MYT1L: variants seen among roughly 807,000 people sequenced by gnomAD.
The protein encoded by MYT1L is myelin transcription factor 1-like protein.
A neutral mutation model predicts 126.7 loss-of-function variants in MYT1L; 12 were observed. The ratio of observed to expected loss-of-function variants is 0.09; its 90% confidence interval spans 0.06 to 0.15. MYT1L has a LOEUF of 0.15. Among genes scored for constraint, MYT1L ranks in the 10% least tolerant of loss-of-function variants. MYT1L has a pLI of 1.00. For synonymous variants in MYT1L, 541 were observed against 604.2 expected, an observed-to-expected ratio of 0.90 and a Z score of 1.53; for missense variants, 979 against 1,585.2, an observed-to-expected ratio of 0.62 and a Z score of 6.49.
rs184986933 is a variant in MYT1L at position 1,805,589 on chromosome 2, T to C, written c.3172+3487A>G. 1.8e-3 allele frequency among the ~76,000 whole-genome samples: 276 copies of C among 152,082 alleles called. 1 individual carries two copies. The highest frequency in any genetic ancestry group is 6.3e-3 in the African/African-American group (262 of 41,490). On this transcript the variant is annotated intron_variant, in intron 22 of 24. Transcript: ENST00000647738. ...GGGCAACATAGTCAGACCTCATCTA[T>C]AGTAAAATATTTAAGGCCAGGCATA...
At chr2:2,094,162 T>C (rs1397291874) in intron 3 of MYT1L, among the ~76,000 whole-genome samples, 1 of 152,230 alleles carries the variant, frequency 6.6e-6, no homozygotes, top group African/African-American at 2.4e-5. Context: ...TAGGATTGAC[T>C]TGGCAATGCT....
intron 2 of MYT1L, among the ~76,000 whole-genome samples, chr2:2,206,140 G>A (rs55971301): frequency 4.0e-5 from 6 of 151,812 alleles, no homozygotes; most frequent in East Asian, 1.9e-4. Flanking sequence ...ACACCACCAC[G>A]CCCAGCTAAT....
chr2:1,880,232 C>T (rs1410203795), intron 18 of MYT1L, among the ~76,000 whole-genome samples: 2 of 152,224 alleles, frequency 1.3e-5, no homozygotes, highest in Non-Finnish European at 2.9e-5. Context: ...AGAAGCCACC[C>T]TCTCTTCAGC....
intron 3 of MYT1L, among the ~76,000 whole-genome samples, chr2:2,158,595 C>T (rs557068967): frequency 6.6e-6 from 1 of 151,180 alleles, no homozygotes; most frequent in East Asian, 1.9e-4. Context: ...CAGTTCTGCT[C>T]CTCTCTCTCC....
chr2:2,056,755 C>T (rs1256974944), intron 3 of MYT1L, among the ~76,000 whole-genome samples: 1 of 152,204 alleles, frequency 6.6e-6, no homozygotes, highest in South Asian at 2.1e-4. Flanking sequence ...GGCAGCTTAG[C>T]TGCAAAACAA....
chr2:2,309,390 A>G (rs548068553), intron 1 of MYT1L, among the ~76,000 whole-genome samples: 3 of 151,562 alleles, frequency 2.0e-5, no homozygotes, highest in South Asian at 4.2e-4. Context: ...TACTCTGTCT[A>G]TCCTCCACCT....
At chr2:1,907,219 C>T (rs1558352614) in intron 13 of MYT1L, among the ~76,000 whole-genome samples, 1 of 151,450 alleles carries the variant, frequency 6.6e-6, no homozygotes, top group Non-Finnish European at 1.5e-5. Flanking sequence ...GAGAACACTC[C>T]AGGCTATGGA....
intron 2 of MYT1L, among the ~76,000 whole-genome samples, chr2:2,279,249 A>G (rs577061014): frequency 6.6e-6 from 1 of 152,342 alleles, no homozygotes; most frequent in South Asian, 2.1e-4. Context: ...AAGATTGTAT[A>G]GAGGCTAATA....
Position 2,140,472 on chromosome 2 carries a change from T to C in MYT1L, c.-304+32400A>G, listed in dbSNP as rs376022901. Among the ~76,000 whole-genome samples the C allele has an allele frequency of 3.3e-3, 486 of 149,380 alleles. 12 individuals are homozygous for C. The highest frequency in any genetic ancestry group is 8.4e-3 in the East Asian group (43 of 5,130). ...TTTTTTGAGACAGAGTATCACTCTG[T>C]TGCCCAGGCTGGAGTGCAGTGGCAC... On this transcript the variant is annotated intron_variant, in intron 3 of 24. Coordinates refer to ENST00000647738, the MANE Select transcript of MYT1L (RefSeq NM_001303052.2).
intron 2 of MYT1L, among the ~76,000 whole-genome samples, chr2:2,177,653 A>G (rs975404058): frequency 5.3e-5 from 8 of 152,216 alleles, no homozygotes; most frequent in Non-Finnish European, 1.0e-4. Flanking sequence ...CACATGGTAC[A>G]TGGTGGCAGG....
rs577547780 is a variant in MYT1L at position 2,049,794 on chromosome 2, T to C, written c.-158+4184A>G. Among the ~76,000 whole-genome samples the C allele has an allele frequency of 2.6e-5, 4 of 152,198 alleles. No homozygotes were observed. The South Asian group carries it at 8.3e-4, about 32-fold the overall frequency. On this transcript the variant is annotated intron_variant, in intron 4 of 24. Transcript: ENST00000647738. ...ACTTGGTCCTCATTTCTCTCTTGCC[T>C]GCCGCCAGTTAAGACATGGCTTTCG...
In MYT1L at chr2:1,791,757, C is replaced by G; in HGVS notation, c.*110G>C. Reference sequence around the variant, plus strand: ...ATTATGAAGTCTTGTAAGCATAACACTGTTTCAAATTCAAACAGAAATAAA... The same window carrying G: ...ATTATGAAGTCTTGTAAGCATAACAGTGTTTCAAATTCAAACAGAAATAAA... On this transcript the variant is annotated 3_prime_UTR_variant, in exon 25 of 25. Transcript: ENST00000647738. The surrounding 1 kb of genome is among the most constrained non-coding windows in gnomAD (Gnocchi z 6.0). The G allele has an allele frequency of 9.0e-7, 1 of 1,109,806 alleles. No individual in the cohort carries two copies. Among genetic ancestry groups the G allele is most frequent in the Non-Finnish European group, 1.3e-6 (1 of 796,984 alleles). The allele number at this position is 1,109,806 out of a possible 1,614,324, so 68.7% of individuals were successfully genotyped here. A position where few individuals can be genotyped will look rare whatever the true frequency, so the allele number is the denominator to read the frequency against.
chr2:2,186,391 C>T (rs372353245), intron 2 of MYT1L, among the ~76,000 whole-genome samples: 3 of 152,254 alleles, frequency 2.0e-5, no homozygotes, highest in East Asian at 1.9e-4. Flanking sequence ...ACTGTAGTCC[C>T]GCACTGTTAA....
intron 18 of MYT1L, among the ~76,000 whole-genome samples, chr2:1,886,007 T>A (rs1390553375): frequency 4.6e-5 from 7 of 152,252 alleles, no homozygotes; most frequent in Non-Finnish European, 7.3e-5. Flanking sequence ...TCTAGAATGA[T>A]GTGTGTCTGG....
chr2:2,066,228 C>G (rs922427981), intron 3 of MYT1L, among the ~76,000 whole-genome samples: 3 of 152,188 alleles, frequency 2.0e-5, no homozygotes, highest in African/African-American at 7.2e-5. Flanking sequence ...AAGATCAGCA[C>G]AGAGGAACGG....
intron 8 of MYT1L, among the ~76,000 whole-genome samples, chr2:1,946,707 A>G (rs2057262516): frequency 6.6e-6 from 1 of 152,256 alleles, no homozygotes; most frequent in Non-Finnish European, 1.5e-5. Flanking sequence ...TATAGTCTAC[A>G]TAACATTTCA....
At chr2:1,930,063 A>C (rs1224829759) in intron 9 of MYT1L, among the ~76,000 whole-genome samples, 2 of 152,214 alleles carry the variant, frequency 1.3e-5, no homozygotes, top group Non-Finnish European at 2.9e-5. Context: ...AGCTGGAGAG[A>C]CAAGGAGGCC....
chr2:1,990,435 G>A (rs182871709), intron 5 of MYT1L, among the ~76,000 whole-genome samples: 1 of 152,310 alleles, frequency 6.6e-6, no homozygotes, highest in Admixed American at 6.5e-5. Context: ...GAGGAAGACA[G>A]ATACTCAAGC....
intron 1 of MYT1L, among the ~76,000 whole-genome samples, chr2:2,292,587 C>T (rs546152311): frequency 1.3e-5 from 2 of 152,206 alleles, no homozygotes; most frequent in South Asian, 2.1e-4. Context: ...TGGGGCTCAG[C>T]GCGGGGCCCT....
Sources: gnomAD v4.1 joint callset for allele counts (sites outside exome capture counted in the v4.1 genomes callset) on GRCh38, gnomAD v4.1.1 for gene constraint, Gnocchi (gnomAD v3.1) non-coding constraint, MANE v1.5 for transcripts, NCBI Gene and HGNC (gene_info 2026-07-23, HGNC 2026-07-21) for gene names.